Variants in CTIF observed in about 807,000 individuals in gnomAD.
CTIF encodes cap binding complex dependent translation initiation factor, also known as CBP80/20-dependent translation initiation factor.
CTIF carries 21 observed loss-of-function variants against 66.0 expected under a neutral mutation model. That is an observed-to-expected ratio of 0.32 (90% CI 0.23 to 0.46). The LOEUF is 0.46. Among genes scored for constraint, CTIF ranks in the 20% least tolerant of loss-of-function variants. CTIF has a pLI of 1.00. For missense variants in CTIF, 739 were observed against 812.7 expected, an observed-to-expected ratio of 0.91 and a Z score of 1.10; for synonymous variants, 345 against 326.4, an observed-to-expected ratio of 1.06 and a Z score of -0.62.
intron 6 of CTIF, among the ~76,000 whole-genome samples, chr18:48,711,136 T>G (rs895288310): frequency 6.6e-6 from 1 of 152,186 alleles, no homozygotes. Flanking sequence ...TTCACAGGGC[T>G]TAGGGTTTTC....
At chr18:48,585,758 G>A (rs1271429550) in intron 1 of CTIF, among the ~76,000 whole-genome samples, 1 of 152,176 alleles carries the variant, frequency 6.6e-6, no homozygotes, top group Non-Finnish European at 1.5e-5. Context: ...ACTTTGTTAA[G>A]GGGCATTGAC....
chr18:48,711,141 G>T (rs1465432620), intron 6 of CTIF, among the ~76,000 whole-genome samples: 1 of 152,176 alleles, frequency 6.6e-6, no homozygotes, highest in African/African-American at 2.4e-5. Flanking sequence ...AGGGCTTAGG[G>T]TTTTCAGGCT....
intron 10 of CTIF, among the ~76,000 whole-genome samples, chr18:48,835,159 C>T (rs761605169): frequency 3.9e-5 from 6 of 152,220 alleles, no homozygotes; most frequent in South Asian, 2.1e-4. Flanking sequence ...CCTGCCTCTG[C>T]GGGGTTCCCA....
At chr18:48,817,776 A>AG (rs1491396346) in intron 10 of CTIF, among the ~76,000 whole-genome samples, 1 of 66,036 alleles carries the variant, frequency 1.5e-5, no homozygotes, top group Non-Finnish European at 2.9e-5. Context: ...CTCGGTCTCC[A>AG]AAAAAAAAAA....
At chr18:48,593,744 G>T (rs1468103927) in intron 1 of CTIF, among the ~76,000 whole-genome samples, 11 of 130,096 alleles carry the variant, frequency 8.5e-5, no homozygotes, top group Admixed American at 7.2e-4. Flanking sequence ...GAGGTTTTTT[G>T]TTTGTTTTTT....
intron 9 of CTIF, among the ~76,000 whole-genome samples, chr18:48,796,463 A>T (rs1394742038): frequency 6.6e-6 from 1 of 152,148 alleles, no homozygotes; most frequent in Non-Finnish European, 1.5e-5. Context: ...GGTGTGAGCC[A>T]CCACACCTGG....
At chr18:48,702,194 C>T (rs983533339) in intron 6 of CTIF, among the ~76,000 whole-genome samples, 1 of 152,160 alleles carries the variant, frequency 6.6e-6, no homozygotes, top group Non-Finnish European at 1.5e-5. Context: ...TAGACTGTTA[C>T]AATAAGAAAC....
At chr18:48,796,390 A>T (rs1195891050) in intron 9 of CTIF, among the ~76,000 whole-genome samples, 2 of 151,918 alleles carry the variant, frequency 1.3e-5, no homozygotes. Flanking sequence ...GTTAGCCAGG[A>T]TGGTCTCCAT....
chr18:48,540,736 G>C (rs2088590714), intron 1 of CTIF, among the ~76,000 whole-genome samples: 1 of 152,068 alleles, frequency 6.6e-6, no homozygotes, highest in Admixed American at 6.5e-5. Flanking sequence ...GTGTGTGTGG[G>C]GGGCGGGGAC....
chr18:48,685,307 CCG>C (rs1410689245), intron 6 of CTIF, among the ~76,000 whole-genome samples: 1 of 152,092 alleles, frequency 6.6e-6, no homozygotes, highest in African/African-American at 2.4e-5. Flanking sequence ...ACTGCAACCT[CCG>C]CCTCCCGGGT....
At chr18:48,815,971 C>G (rs991531810) in intron 9 of CTIF, among the ~76,000 whole-genome samples, 2 of 152,204 alleles carry the variant, frequency 1.3e-5, no homozygotes, top group Non-Finnish European at 2.9e-5. Context: ...TTGACCTTCA[C>G]AATGTCTCTT....
chr18:48,577,227 G>A (rs531401103), intron 1 of CTIF, among the ~76,000 whole-genome samples: 9 of 152,298 alleles, frequency 5.9e-5, no homozygotes, highest in Non-Finnish European at 1.2e-4. Context: ...TGGTAGCAAC[G>A]GTATTTAGGT....
chr18:48,768,525 T>C (rs1599008485), intron 9 of CTIF, among the ~76,000 whole-genome samples: 1 of 152,124 alleles, frequency 6.6e-6, no homozygotes, highest in Admixed American at 6.5e-5. Context: ...GGCTGCAAGA[T>C]TGACCCAGCA....
intron 7 of CTIF, among the ~76,000 whole-genome samples, chr18:48,744,502 C>A (rs1368785320): frequency 6.6e-6 from 1 of 152,166 alleles, no homozygotes; most frequent in East Asian, 1.9e-4. Context: ...TCTTATATAT[C>A]CATCACCCAG....
intron 10 of CTIF, among the ~76,000 whole-genome samples, chr18:48,850,435 T>C (rs569305404): frequency 4.7e-4 from 72 of 152,342 alleles, no homozygotes; most frequent in Middle Eastern, 6.8e-3. Flanking sequence ...ATGAGAGAGC[T>C]AGTCGGCCCT....
chr18:48,644,415 G>C (rs774646701), intron 3 of CTIF, among the ~76,000 whole-genome samples: 2 of 152,198 alleles, frequency 1.3e-5, no homozygotes, highest in Non-Finnish European at 2.9e-5. Context: ...ATGCCCAGGA[G>C]CACTAGAAGT....
chr18:48,630,309 G>A (rs1365067144), intron 2 of CTIF, among the ~76,000 whole-genome samples: 4 of 152,150 alleles, frequency 2.6e-5, no homozygotes, highest in African/African-American at 4.8e-5. Flanking sequence ...GGGGGTGGGC[G>A]ACTGTGCATG....
intron 6 of CTIF, among the ~76,000 whole-genome samples, chr18:48,708,487 C>T (rs1020502099): frequency 6.6e-6 from 1 of 152,146 alleles, no homozygotes; most frequent in Non-Finnish European, 1.5e-5. Flanking sequence ...GGAGGAGGTT[C>T]CCGGTGCTGG....
intron 1 of CTIF, among the ~76,000 whole-genome samples, chr18:48,615,496 A>C (rs963451525): frequency 2.6e-5 from 4 of 152,214 alleles, no homozygotes; most frequent in Non-Finnish European, 4.4e-5. Flanking sequence ...GGAGGAGCTG[A>C]AATCCCTGGG....
Sources: allele counts gnomAD v4.1 joint callset (sites outside exome capture counted in the v4.1 genomes callset), GRCh38; gene constraint gnomAD v4.1.1; transcripts MANE v1.5; gene names NCBI Gene and HGNC (gene_info 2026-07-23, HGNC 2026-07-21).